The following CACNA2D3 variants were observed in gnomAD, a reference collection of about 807,000 sequenced individuals.
CACNA2D3 encodes the protein calcium voltage-gated channel auxiliary subunit alpha2delta 3.
Under a neutral mutation model 160.6 loss-of-function variants are expected in CACNA2D3, and 60 were observed. The observed-to-expected ratio is 0.37, with a 90% confidence interval of 0.30 to 0.46. CACNA2D3 has a LOEUF of 0.46. Ranked by LOEUF, CACNA2D3 falls within the 20% of genes least tolerant of loss-of-function variation. CACNA2D3 has a pLI of 1.00. For synonymous variants in CACNA2D3, 558 were observed against 492.9 expected (o/e 1.13, Z -1.75); for missense variants, 1,205 against 1,365.0 (o/e 0.88, Z 1.85).
rs77218009 is a variant in CACNA2D3 at position 54,581,222 on chromosome 3, G to C, written c.889-581G>C. 1.3e-4 allele frequency among the ~76,000 whole-genome samples: 20 copies of C among 152,156 alleles called. No homozygotes were observed. The East Asian group carries it at 3.7e-3, about 28-fold the overall frequency. ...TGAGCTTCGGGCAAATAAAAAGTGT[G>C]GGGGGGTCCTATTCTGGATATTCTG... is the stretch of plus-strand genomic sequence containing the variant. On this transcript the variant is annotated intron_variant, in intron 8 of 37. Coordinates refer to ENST00000474759, the MANE Select transcript of CACNA2D3 (RefSeq NM_018398.3).
At chr3:54,348,135 T>C (rs1195189228) in intron 3 of CACNA2D3, among the ~76,000 whole-genome samples, 1 of 152,204 alleles carries the variant, frequency 6.6e-6, no homozygotes, top group African/African-American at 2.4e-5. Context: ...ACACCCAAGG[T>C]GTCAGCCAGG....
chr3:55,061,189 G>A (rs1704497695), intron 35 of CACNA2D3, among the ~76,000 whole-genome samples: 1 of 152,236 alleles, frequency 6.6e-6, no homozygotes, highest in Non-Finnish European at 1.5e-5. Flanking sequence ...CAAATGGAAT[G>A]CCTTAATGTG....
chr3:54,642,798 T>C (rs903921057), intron 11 of CACNA2D3, among the ~76,000 whole-genome samples: 2 of 152,226 alleles, frequency 1.3e-5, no homozygotes, highest in South Asian at 4.2e-4. Context: ...GGTTATTAAT[T>C]GACTGATACT....
At chr3:54,130,087 C>T (rs1310053033) in intron 2 of CACNA2D3, among the ~76,000 whole-genome samples, 2 of 152,206 alleles carry the variant, frequency 1.3e-5, no homozygotes, top group Non-Finnish European at 2.9e-5. Flanking sequence ...TTGTGGTCCT[C>T]AGTGCAAAAT....
In CACNA2D3 at chr3:54,504,735, G is replaced by A. The variant is rs186635378; in HGVS notation, c.544+1081G>A. On this transcript the variant is annotated intron_variant, in intron 5 of 37. Transcript: ENST00000474759. ...ACAAGAGCTCAGTAGTCAAGAGCAAGGGCTATGGGTTTAAGTCCTGATCTT... is the reference window on the plus strand; with the variant it reads ...ACAAGAGCTCAGTAGTCAAGAGCAAAGGCTATGGGTTTAAGTCCTGATCTT... Among the ~76,000 whole-genome samples, 19 of 152,312 alleles carry A rather than the reference G, an allele frequency of 1.2e-4. No homozygotes were observed. The East Asian group carries it at 3.7e-3, about 29-fold the overall frequency.
intron 2 of CACNA2D3, among the ~76,000 whole-genome samples, chr3:54,236,143 A>G (rs1206086537): frequency 6.6e-6 from 1 of 152,220 alleles, no homozygotes; most frequent in African/African-American, 2.4e-5. Flanking sequence ...GTACTTCTCA[A>G]CACAGTACTG....
At chr3:54,975,205 C>G (rs1702360656) in intron 29 of CACNA2D3, among the ~76,000 whole-genome samples, 1 of 152,042 alleles carries the variant, frequency 6.6e-6, no homozygotes, top group Non-Finnish European at 1.5e-5. Flanking sequence ...TACAGTTAGA[C>G]AAAGTAACAG....
chr3:54,302,723 C>G (rs1380013371), intron 2 of CACNA2D3, among the ~76,000 whole-genome samples: 1 of 152,138 alleles, frequency 6.6e-6, no homozygotes, highest in Non-Finnish European at 1.5e-5. Flanking sequence ...TACTGCTTAT[C>G]CCTGTGACCT....
chr3:54,305,901 T>C (rs963708262), intron 2 of CACNA2D3, among the ~76,000 whole-genome samples: 2 of 152,232 alleles, frequency 1.3e-5, no homozygotes, highest in Non-Finnish European at 2.9e-5. Flanking sequence ...TGTGATGTCA[T>C]GGTTGATGTG....
chr3:54,968,330 T>G, intron 27 of CACNA2D3, 120 bp from the exon 28 acceptor site: 1 of 685,658 alleles, frequency 1.5e-6, no homozygotes, highest in Non-Finnish European at 2.6e-6. Context: ...TGCTTCACTG[T>G]ACATTTTATT....
intron 11 of CACNA2D3, among the ~76,000 whole-genome samples, chr3:54,687,263 C>T (rs1700481558): frequency 6.6e-6 from 1 of 150,990 alleles, no homozygotes; most frequent in Non-Finnish European, 1.5e-5. Context: ...GCCTCAGCCT[C>T]CCGAGTAGCT....
At chr3:55,000,460 T>G (rs906209803) in intron 31 of CACNA2D3, among the ~76,000 whole-genome samples, 1 of 152,164 alleles carries the variant, frequency 6.6e-6, no homozygotes, top group Non-Finnish European at 1.5e-5. Context: ...CACATGGGGC[T>G]TAAAACCTAG....
rs751954323 is a variant in CACNA2D3 at position 54,918,879 on chromosome 3, G to A, written c.2449+19011G>A. 21 of 1,541,344 alleles carry A rather than the reference G, an allele frequency of 1.4e-5. No homozygotes were observed. The highest frequency in any genetic ancestry group is 3.6e-4 in the Middle Eastern group (2 of 5,520). Reference sequence around the variant, plus strand: ...TGTCTGGTGATTCACAGATGATGCCGTCTGTTAGTCCCCCTTTAAAAAACA... The same window carrying A: ...TGTCTGGTGATTCACAGATGATGCCATCTGTTAGTCCCCCTTTAAAAAACA... On this transcript the variant is annotated intron_variant, in intron 27 of 37. Coordinates refer to ENST00000474759, the MANE Select transcript of CACNA2D3 (RefSeq NM_018398.3).
chr3:54,844,980 T>G (rs1698902345), intron 16 of CACNA2D3, among the ~76,000 whole-genome samples: 2 of 152,178 alleles, frequency 1.3e-5, no homozygotes, highest in African/African-American at 4.8e-5. Context: ...AACTAAAACA[T>G]AATAATGGTA....
intron 2 of CACNA2D3, among the ~76,000 whole-genome samples, chr3:54,229,961 A>G (rs1701740034): frequency 6.6e-6 from 1 of 152,194 alleles, no homozygotes; most frequent in South Asian, 2.1e-4. Context: ...CCACTGCAAC[A>G]TACGATGCTT....
chr3:54,295,462 T>C (rs1453591658), intron 2 of CACNA2D3, among the ~76,000 whole-genome samples: 1 of 152,214 alleles, frequency 6.6e-6, no homozygotes, highest in Non-Finnish European at 1.5e-5. Flanking sequence ...CTTGGTTTTA[T>C]ACATTTTAGG....
chr3:54,273,922 A>G (rs1180622916), intron 2 of CACNA2D3, among the ~76,000 whole-genome samples: 1 of 152,168 alleles, frequency 6.6e-6, no homozygotes, highest in Non-Finnish European at 1.5e-5. Context: ...GAGACCCAGT[A>G]ATCCCTGGGC....
chr3:54,970,003 C>CT lies in CACNA2D3; in HGVS notation c.2556+168dup, dbSNP rs374044811. 5.0e-3 allele frequency among the ~76,000 whole-genome samples: 758 copies of CT among 150,648 alleles called. 6 individuals carry two copies. Among genetic ancestry groups the CT allele is most frequent in the African/African-American group, 0.017 (710 of 41,144 alleles). On this transcript the variant is annotated intron_variant, in intron 29 of 37. Coordinates refer to ENST00000474759, the MANE Select transcript of CACNA2D3 (RefSeq NM_018398.3). ...ATCATTTGCTTTATTTGCTTTGTTTCTTTTTTTTTGTTCCCCACCTCCCAT... is the reference window on the plus strand; with the variant it reads ...ATCATTTGCTTTATTTGCTTTGTTTCTTTTTTTTTTGTTCCCCACCTCCCAT...
intron 5 of CACNA2D3, among the ~76,000 whole-genome samples, chr3:54,526,764 C>T (rs1039609830): frequency 3.3e-5 from 5 of 152,186 alleles, no homozygotes; most frequent in African/African-American, 1.2e-4. Context: ...GATCTCAGCT[C>T]ACTGCAACCT....
Sources: gnomAD v4.1 joint callset for allele counts (sites outside exome capture counted in the v4.1 genomes callset) on GRCh38, gnomAD v4.1.1 for gene constraint, MANE v1.5 for transcripts, NCBI Gene and HGNC (gene_info 2026-07-23, HGNC 2026-07-21) for gene names.